The following CTNNA2 variants were observed in gnomAD, a reference collection of about 807,000 sequenced individuals.
The protein encoded by CTNNA2 is catenin alpha 2.
In CTNNA2, 42 loss-of-function variants were observed where a neutral mutation model predicts 101.0. That is an observed-to-expected ratio of 0.42 (90% CI 0.32 to 0.54). The LOEUF (loss-of-function observed/expected upper bound fraction) is 0.54, where lower values mean the gene tolerates loss of function less well. CTNNA2 is among the 20% of genes least tolerant of loss of function. The pLI, the probability that CTNNA2 is intolerant of heterozygous loss-of-function variation, is 0.14. For missense variants in CTNNA2, 871 were observed against 1,223.1 expected (o/e 0.71, Z 4.29); for synonymous variants, 450 against 456.4 (o/e 0.99, Z 0.18).
chr2:80,593,009 T>C (rs973499472), intron 15 of CTNNA2, among the ~76,000 whole-genome samples: 12 of 152,154 alleles, frequency 7.9e-5, no homozygotes, highest in African/African-American at 2.9e-4. Context: ...TGCATCAGAA[T>C]TACCTATGTC....
chr2:79,674,274 G>A (rs1201888173), intron 2 of CTNNA2, among the ~76,000 whole-genome samples: 1 of 152,156 alleles, frequency 6.6e-6, no homozygotes, highest in African/African-American at 2.4e-5. Flanking sequence ...ATTGAGCTGG[G>A]CCTTGAGGGT....
Position 79,714,943 on chromosome 2 carries a change from C to A in CTNNA2, c.103-29444C>A, listed in dbSNP as rs540206421. On this transcript the variant is annotated intron_variant, in intron 2 of 18. Transcript: ENST00000402739. ...CGGTAGCTCACGCCTATAATCCCAG[C>A]ACTTTGGGAGGCCAAGGCGGGCAGG... is the stretch of plus-strand genomic sequence containing the variant. 8.6e-5 allele frequency among the ~76,000 whole-genome samples: 13 copies of A among 150,958 alleles called. No homozygotes were observed. The South Asian group carries it at 2.7e-3, about 32-fold the overall frequency.
intron 7 of CTNNA2, among the ~76,000 whole-genome samples, chr2:80,092,418 A>G (rs1247609641): frequency 6.6e-6 from 1 of 152,110 alleles, no homozygotes; most frequent in Non-Finnish European, 1.5e-5. Flanking sequence ...CCTTCCCTGT[A>G]TCTTGAAGCT....
chr2:79,826,936 C>T (rs1678489901), intron 3 of CTNNA2, among the ~76,000 whole-genome samples: 2 of 152,204 alleles, frequency 1.3e-5, no homozygotes, highest in South Asian at 4.1e-4. Context: ...ACACTGGCCA[C>T]TTTATTAACA....
At chr2:79,215,299 G>T (rs1385502546) in intron 2 of CTNNA2, among the ~76,000 whole-genome samples, 3 of 152,202 alleles carry the variant, frequency 2.0e-5, no homozygotes, top group Admixed American at 6.5e-5. Context: ...GGAGAGGCGG[G>T]CCTGGAGGAA....
chr2:79,208,033 C>T (rs562101390), intron 2 of CTNNA2, among the ~76,000 whole-genome samples: 2 of 152,220 alleles, frequency 1.3e-5, no homozygotes, highest in African/African-American at 4.8e-5. Flanking sequence ...GTCTACTCTG[C>T]CCTCACATAT....
intron 6 of CTNNA2, among the ~76,000 whole-genome samples, chr2:79,893,670 A>T (rs1684460968): frequency 1.3e-5 from 2 of 152,204 alleles, no homozygotes; most frequent in African/African-American, 4.8e-5. Context: ...TCAGTCTTTG[A>T]CCCAAAAGCT....
At chr2:80,584,022 C>T (rs549536163) in intron 14 of CTNNA2, among the ~76,000 whole-genome samples, 66 of 152,194 alleles carry the variant, frequency 4.3e-4, no homozygotes, top group Admixed American at 2.2e-3. Context: ...CTATTTTAGC[C>T]TGTAATTATA....
At chr2:80,357,228 CATTTTTTTTTT>C (rs1212371093) in intron 7 of CTNNA2, among the ~76,000 whole-genome samples, 1 of 129,210 alleles carries the variant, frequency 7.7e-6, no homozygotes, top group African/African-American at 3.0e-5. Context: ...TTCAAAATAG[CATTTTTTTTTT>C]GTTTTTTTTT....
At chr2:79,315,636 T>A (rs937049529) in intron 3 of CTNNA2, among the ~76,000 whole-genome samples, 2 of 152,180 alleles carry the variant, frequency 1.3e-5, no homozygotes, top group Non-Finnish European at 2.9e-5. Context: ...ATAGAGCACA[T>A]TTGATTTATT....
At chr2:80,125,214 A>T (rs531747653) in intron 7 of CTNNA2, among the ~76,000 whole-genome samples, 19 of 152,166 alleles carry the variant, frequency 1.2e-4, no homozygotes, top group Admixed American at 5.2e-4. Context: ...AAGATGTGTT[A>T]AGTGTGAAGT....
At chr2:79,599,220 G>A (rs765771810) in intron 1 of CTNNA2, among the ~76,000 whole-genome samples, 13 of 152,202 alleles carry the variant, frequency 8.5e-5, no homozygotes, top group Non-Finnish European at 1.8e-4. Context: ...AGTAAGTCTT[G>A]AAGTTGGGTA....
chr2:80,042,501 C>T (rs1303383433), intron 7 of CTNNA2, among the ~76,000 whole-genome samples: 1 of 152,154 alleles, frequency 6.6e-6, no homozygotes, highest in Non-Finnish European at 1.5e-5. Context: ...GCCTTCCTGG[C>T]ATCTTTTATC....
At chr2:79,225,427 A>G (rs902620824) in intron 2 of CTNNA2, among the ~76,000 whole-genome samples, 10 of 152,216 alleles carry the variant, frequency 6.6e-5, no homozygotes, top group Non-Finnish European at 1.5e-4. Flanking sequence ...CCATTAGTAT[A>G]TAACATCTAA....
chr2:79,646,748 C>T (rs996668261), intron 1 of CTNNA2, among the ~76,000 whole-genome samples: 1 of 151,964 alleles, frequency 6.6e-6, no homozygotes, highest in African/African-American at 2.4e-5. Flanking sequence ...AGGCTGGTCT[C>T]AAACTTCTGG....
intron 1 of CTNNA2, among the ~76,000 whole-genome samples, chr2:79,594,814 T>C (rs1194186534): frequency 6.6e-6 from 1 of 152,164 alleles, no homozygotes; most frequent in Admixed American, 6.5e-5. Flanking sequence ...CTAAAATTTC[T>C]TCCATTCTAA....
intron 7 of CTNNA2, among the ~76,000 whole-genome samples, chr2:79,931,569 A>G (rs918651953): frequency 1.8e-4 from 28 of 152,212 alleles, no homozygotes; most frequent in African/African-American, 6.3e-4. Flanking sequence ...GATATGTACA[A>G]TAATTGTCAG....
chr2:80,538,754 C>G (rs1044164120), intron 9 of CTNNA2, among the ~76,000 whole-genome samples: 1 of 152,078 alleles, frequency 6.6e-6, no homozygotes. Context: ...TTTTCTAATT[C>G]TGCAAAGAAA....
At chr2:79,442,743 T>G (rs1678789945) in intron 4 of CTNNA2, among the ~76,000 whole-genome samples, 1 of 152,168 alleles carries the variant, frequency 6.6e-6, no homozygotes, top group Admixed American at 6.6e-5. Context: ...GCCAGCTTTA[T>G]GTGAAATGAC....
Sources: gnomAD v4.1 joint callset for allele counts (sites outside exome capture counted in the v4.1 genomes callset) on GRCh38, gnomAD v4.1.1 for gene constraint, MANE v1.5 for transcripts, NCBI Gene and HGNC (gene_info 2026-07-23, HGNC 2026-07-21) for gene names.